The following SFSWAP variants were observed in gnomAD, a reference collection of about 807,000 sequenced individuals.
The protein encoded by SFSWAP is splicing factor SWAP.
A neutral mutation model predicts 100.7 loss-of-function variants in SFSWAP; 17 were observed. The ratio of observed to expected loss-of-function variants is 0.17; its 90% CI spans 0.12 to 0.25. SFSWAP has a LOEUF of 0.25. Among genes scored for constraint, SFSWAP ranks in the 10% least tolerant of loss-of-function variants. The probability of loss-of-function intolerance (pLI) is 1.00; values close to 1 mark genes in which losing one functional copy is unlikely to be tolerated. For synonymous variants in SFSWAP, 504 were observed against 510.1 expected (o/e 0.99, Z 0.16); for missense variants, 1,005 against 1,262.6 (o/e 0.80, Z 3.09).
rs1883103785 is a variant in SFSWAP, at chr12:131,766,229, C to T, written c.2063C>T (p.Ala688Val). Reference protein sequence around the residue: ...QLQAERKRKAALFLQTLKNPL... With the variant: ...QLQAERKRKAVLFLQTLKNPL... ...CAAGCAGAACGTAAAAGGAAAGCGG[C>T]GTTATTTTTACAGACCCTCAAAAAT... The change falls in exon 13 of 18, where the codon GCG becomes GTG. Residue 688 changes from alanine to valine, a missense_variant. Coordinates refer to ENST00000261674, the MANE Select transcript of SFSWAP (RefSeq NM_004592.4). The T allele has an allele frequency of 1.9e-6, 3 of 1,614,132 alleles. No individual in the cohort carries two copies. Among genetic ancestry groups the T allele is most frequent in the African/African-American group, 1.3e-5 (1 of 75,026 alleles).
intron 14 of SFSWAP, chr12:131,784,767 GC>G (rs1182281888): frequency 5.7e-5 from 13 of 229,052 alleles, no homozygotes; most frequent in Non-Finnish European, 5.1e-5. Context: ...ATGGTATGTA[GC>G]CCCTCGTTCT....
chr12:131,732,670 C>T (rs1409730844), intron 7 of SFSWAP, among the ~76,000 whole-genome samples: 1 of 152,246 alleles, frequency 6.6e-6, no homozygotes, highest in Non-Finnish European at 1.5e-5. Context: ...GTTTCATATA[C>T]AGCCTGTTAT....
In SFSWAP at chr12:131,756,367, G is replaced by A. The variant is rs989309483; in HGVS notation, c.1549-106G>A. ...TTCCCAGTGCTGCTTGGGCAGTAAT[G>A]TACAATTGCCGTTGTCCAGTGAAAC... On this transcript the variant is annotated intron_variant, in intron 10 of 17. Transcript: ENST00000261674. The A allele has an allele frequency of 4.4e-5, 42 of 964,082 alleles. No individual in the cohort carries two copies. In the South Asian group the frequency reaches 5.8e-4, roughly 13 times the overall value. 59.7% of individuals were successfully genotyped at this position (964,082 alleles called of 1,614,324 possible). A position where few individuals can be genotyped will look rare whatever the true frequency, so the allele number is the denominator to read the frequency against.
chr12:131,728,444 G>A lies in SFSWAP; in HGVS notation c.1081+16G>A, dbSNP rs1333610618. On this transcript the variant is annotated intron_variant, in intron 7 of 17. Coordinates refer to ENST00000261674, the MANE Select transcript of SFSWAP (RefSeq NM_004592.4). Reference sequence around the variant, plus strand: ...ACGGCAGACTGTGAGTACTCACTGTGTATGTCCTGACCTGTGTTCAGCTGC... The same window carrying A: ...ACGGCAGACTGTGAGTACTCACTGTATATGTCCTGACCTGTGTTCAGCTGC... The A allele has an allele frequency of 9.3e-6, 15 of 1,612,838 alleles. No homozygotes were observed. The highest frequency in any genetic ancestry group is 1.3e-5 in the African/African-American group (1 of 74,898).
At chr12:131,716,812 G>A (rs1315205190) in intron 3 of SFSWAP, among the ~76,000 whole-genome samples, 1 of 152,074 alleles carries the variant, frequency 6.6e-6, no homozygotes, top group Non-Finnish European at 1.5e-5. Context: ...TCTAGATGAT[G>A]GACCATTGTC....
chr12:131,762,741 C>T (rs1251379071), intron 11 of SFSWAP, among the ~76,000 whole-genome samples: 1 of 152,154 alleles, frequency 6.6e-6, no homozygotes, highest in African/African-American at 2.4e-5. Flanking sequence ...GCTGCGATTA[C>T]AGGCGCCCGC....
intron 14 of SFSWAP, among the ~76,000 whole-genome samples, chr12:131,780,916 G>A (rs1005750689): frequency 9.9e-5 from 15 of 152,098 alleles, no homozygotes; most frequent in African/African-American, 3.1e-4. Context: ...GCTTTCATGT[G>A]GGGAGTTTTT....
chr12:131,753,221 A>G lies in SFSWAP; in HGVS notation c.1180A>G (p.Ser394Gly). The G allele has an allele frequency of 8.7e-6, 14 of 1,614,180 alleles. No homozygotes were observed. The highest frequency in any genetic ancestry group is 1.2e-5 in the Non-Finnish European group (14 of 1,180,026). The change falls in exon 8 of 18, where the codon AGC (serine) becomes GGC (glycine). Residue 394 changes from serine to glycine, a missense_variant. Ser to Gly is a moderately conservative substitution (Grantham distance 56). Around this residue, in one of 7 missense-constraint regions of SFSWAP, gnomAD observed 311 missense variants for 317.8 expected, o/e 0.98. Coordinates refer to ENST00000261674, the MANE Select transcript of SFSWAP (RefSeq NM_004592.4). ...PPGIDVTTYY[S>G]TLPAGVTVSN... is the part of the protein sequence containing the mutation. Reference sequence around the variant, plus strand: ...CGGAATCGACGTGACTACTTACTACAGCACCCTTCCTGCTGGCGTGACCGT... The same window carrying G: ...CGGAATCGACGTGACTACTTACTACGGCACCCTTCCTGCTGGCGTGACCGT...
intron 14 of SFSWAP, chr12:131,784,912 T>C (rs1884778899): frequency 2.0e-6 from 1 of 488,206 alleles, no homozygotes; most frequent in African/African-American, 2.0e-5. Flanking sequence ...CCTTAAAAAC[T>C]AACTTATTTT....
intron 7 of SFSWAP, among the ~76,000 whole-genome samples, chr12:131,740,966 CTT>C (rs60047663): frequency 2.7e-3 from 192 of 70,118 alleles, no homozygotes; most frequent in African/African-American, 0.01. Context: ...TCTTTTTTTT[CTT>C]TTTTTTTTTT....
Position 131,751,888 on chromosome 12 carries a change from T to C in SFSWAP, c.1082-1235T>C, listed in dbSNP as rs549536770. Among the ~76,000 whole-genome samples the C allele has an allele frequency of 2.0e-5, 3 of 152,348 alleles. No individual in the cohort carries two copies. In the South Asian group the frequency reaches 6.2e-4, roughly 32 times the overall value. ...TCAGATATATCTGTGTTGACGATAATGTGGAGCACATCGAACCCACTTATC... is the reference window on the plus strand; with the variant it reads ...TCAGATATATCTGTGTTGACGATAACGTGGAGCACATCGAACCCACTTATC... On this transcript the variant is annotated intron_variant, in intron 7 of 17. Transcript: ENST00000261674.
chr12:131,736,488 G>A (rs573098898), intron 7 of SFSWAP, among the ~76,000 whole-genome samples: 76 of 152,222 alleles, frequency 5.0e-4, no homozygotes, highest in African/African-American at 1.7e-3. Context: ...GTAGAAAAAA[G>A]ATCTGCAGTG....
At chr12:131,723,954 T>A (rs1419310452) in intron 4 of SFSWAP, among the ~76,000 whole-genome samples, 1 of 152,254 alleles carries the variant, frequency 6.6e-6, no homozygotes, top group African/African-American at 2.4e-5. Context: ...CTGTATTTTT[T>A]AAATCTCATT....
intron 14 of SFSWAP, among the ~76,000 whole-genome samples, chr12:131,779,120 C>T (rs868014021): frequency 2.0e-5 from 3 of 149,324 alleles, no homozygotes; most frequent in Non-Finnish European, 4.5e-5. Flanking sequence ...CGGTGCCACA[C>T]TCTGCACACA....
chr12:131,768,062 C>T (rs1400940136), intron 13 of SFSWAP, among the ~76,000 whole-genome samples: 1 of 152,264 alleles, frequency 6.6e-6, no homozygotes, highest in Admixed American at 6.5e-5. Flanking sequence ...TCTATATGTG[C>T]GCACGTTGAC....
At chr12:131,752,586 G>A (rs905439170) in intron 7 of SFSWAP, among the ~76,000 whole-genome samples, 1 of 152,228 alleles carries the variant, frequency 6.6e-6, no homozygotes, top group Non-Finnish European at 1.5e-5. Flanking sequence ...CTGGGGCCGG[G>A]GGCTGACGCC....
At chr12:131,766,688 G>A (rs1026414586) in intron 13 of SFSWAP, among the ~76,000 whole-genome samples, 13 of 152,110 alleles carry the variant, frequency 8.5e-5, no homozygotes, top group African/African-American at 3.1e-4. Flanking sequence ...GCGCTCACAC[G>A]TGGGGCAGAA....
rs200186709 is a variant in SFSWAP at position 131,753,238 on chromosome 12, C to A, written c.1197C>A (p.Gly399=). The part of the protein sequence containing the change: ...VTTYYSTLPA[G]VTVSNSPGVT... ...CTTACTACAGCACCCTTCCTGCTGG[C>A]GTGACCGTGTCTAACTCCCCTGGAG... The change falls in exon 8 of 18, where the codon GGC becomes GGA. Residue 399 remains glycine, a synonymous_variant. Coordinates refer to ENST00000261674, the MANE Select transcript of SFSWAP (RefSeq NM_004592.4). 6.2e-7 allele frequency: 1 copy of A among 1,614,074 alleles called. No individual in the cohort carries two copies. The highest frequency in any genetic ancestry group is 8.5e-7 in the Non-Finnish European group (1 of 1,180,028).
At position 131,725,470 on chromosome 12, in the gene SFSWAP, A is replaced by G. The variant is rs1276881617; in HGVS notation, c.672A>G (p.Ala224=). 11 of 1,614,054 alleles carry G rather than the reference A, an allele frequency of 6.8e-6. No individual in the cohort carries two copies. Among genetic ancestry groups the G allele is most frequent in the Non-Finnish European group, 9.3e-6 (11 of 1,180,048 alleles). ...CCAGCTTCGTGTGCAGGCAGGGAGC[A>G]CAGTTTGAGATCATGCTGAAGGCCA... The part of the protein sequence containing the change: ...RTASFVCRQG[A]QFEIMLKAKQ... The change falls in exon 5 of 18, where the codon GCA becomes GCG. Residue 224 remains alanine, a synonymous_variant. Coordinates refer to ENST00000261674, the MANE Select transcript of SFSWAP (RefSeq NM_004592.4). This position sits in a 1 kb window ranked among gnomAD's most constrained non-coding sequence, Gnocchi z 4.3.
Sources: allele counts gnomAD v4.1 joint callset (sites outside exome capture counted in the v4.1 genomes callset), GRCh38; gene constraint gnomAD v4.1.1; regional missense constraint gnomAD v4.1.1; non-coding constraint Gnocchi (gnomAD v3.1); transcripts MANE v1.5; gene names NCBI Gene and HGNC (gene_info 2026-07-23, HGNC 2026-07-21).